Variants in BMPR2 observed in about 807,000 individuals in gnomAD.
The protein encoded by BMPR2 is bone morphogenetic protein receptor type-2.
A neutral mutation model predicts 100.8 loss-of-function variants in BMPR2; 29 were observed. The observed-to-expected ratio is 0.29, with a 90% CI of 0.21 to 0.39. The LOEUF (loss-of-function observed/expected upper bound fraction) is 0.39, where lower values mean the gene tolerates loss of function less well. BMPR2 is among the 10% of genes least tolerant of loss of function. The pLI is 1.00. For synonymous variants in BMPR2, 382 were observed against 442.3 expected (o/e 0.86, Z 1.71); for missense variants, 1,011 against 1,274.5 (o/e 0.79, Z 3.15).
chr2:202,482,129 G>A (rs748449673), intron 3 of BMPR2, among the ~76,000 whole-genome samples: 44 of 152,132 alleles, frequency 2.9e-4, no homozygotes, highest in African/African-American at 2.4e-5. Context: ...TGTCATGAAG[G>A]TTCATCCATC....
rs566256792 is a variant in BMPR2 at position 202,468,668 on chromosome 2, G to A, written c.418+979G>A. On this transcript the variant is annotated intron_variant, in intron 3 of 12. Transcript: ENST00000374580. ...ATTTGTAACTGCACAATATTAGGAAGTAAATGTCCAAGAATAGGAGATTAG... is the reference window on the plus strand; with the variant it reads ...ATTTGTAACTGCACAATATTAGGAAATAAATGTCCAAGAATAGGAGATTAG... 2.6e-5 allele frequency among the ~76,000 whole-genome samples: 4 copies of A among 152,294 alleles called. No homozygotes were observed. The South Asian group carries it at 8.3e-4, about 32-fold the overall frequency.
chr2:202,437,549 C>T lies in BMPR2; in HGVS notation c.77-27260C>T, dbSNP rs1438580082. On this transcript the variant is annotated intron_variant, in intron 1 of 12. Transcript: ENST00000374580. ...TATCCACAGAGTTGTGCAACTGTCA[C>T]CACTGTCAATTTTAGAACATTTTTC... 1.3e-5 allele frequency among the ~76,000 whole-genome samples: 2 copies of T among 150,430 alleles called. 1 individual carries two copies. Among genetic ancestry groups the T allele is most frequent in the African/African-American group, 5.0e-5 (2 of 39,770 alleles).
At chr2:202,448,471 A>T (rs76269599) in intron 1 of BMPR2, among the ~76,000 whole-genome samples, 5 of 110,160 alleles carry the variant, frequency 4.5e-5, no homozygotes, top group African/African-American at 6.3e-5. Flanking sequence ...AATAAAAAAT[A>T]AAAAAAAAAA....
chr2:202,485,514 C>CT (rs1303420441), intron 3 of BMPR2, among the ~76,000 whole-genome samples: 1 of 138,718 alleles, frequency 7.2e-6, no homozygotes, highest in Non-Finnish European at 1.5e-5. Context: ...GCCTTCATCT[C>CT]TATGTGTCTC....
chr2:202,540,008 G>C (rs1234697032), intron 9 of BMPR2, among the ~76,000 whole-genome samples: 1 of 152,106 alleles, frequency 6.6e-6, no homozygotes, highest in African/African-American at 2.4e-5. Flanking sequence ...ATTCACCTTT[G>C]TATCTCTAAT....
chr2:202,497,674 A>T (rs930394570), intron 3 of BMPR2, among the ~76,000 whole-genome samples: 1 of 152,200 alleles, frequency 6.6e-6, no homozygotes, highest in African/African-American at 2.4e-5. Flanking sequence ...AGACTTGCCC[A>T]TCTATCGTAT....
intron 1 of BMPR2, among the ~76,000 whole-genome samples, chr2:202,406,676 C>T (rs1352754278): frequency 6.6e-6 from 1 of 152,162 alleles, no homozygotes; most frequent in Non-Finnish European, 1.5e-5. Context: ...ATAAATAAAC[C>T]TCTGCCAGAG....
intron 1 of BMPR2, among the ~76,000 whole-genome samples, chr2:202,385,361 C>CTTTTTTTTTTTTTTTTT (rs1161944548): frequency 1.2e-4 from 10 of 86,338 alleles, no homozygotes; most frequent in African/African-American, 2.0e-4. Context: ...AAAAAAGATG[C>CTTTTTTTTTTTTTTTTT]TTTTTTTTTT....
At chr2:202,517,385 G>T (rs553265578) in intron 5 of BMPR2, among the ~76,000 whole-genome samples, 92 of 148,900 alleles carry the variant, frequency 6.2e-4, no homozygotes, top group Non-Finnish European at 1.2e-3. Context: ...GCAAGGCATG[G>T]TCTGGGGTCA....
Position 202,455,575 on chromosome 2 carries a change from G to T in BMPR2, c.77-9234G>T, listed in dbSNP as rs533842635. ...TTGAGTGAGATACAATGCTGTGATT[G>T]TGTCTTACTTGAAGTCTGCTTTCCT... On this transcript the variant is annotated intron_variant, in intron 1 of 12. Coordinates refer to ENST00000374580, the MANE Select transcript of BMPR2 (RefSeq NM_001204.7). Among the ~76,000 whole-genome samples the T allele has an allele frequency of 3.9e-5, 6 of 152,270 alleles. No individual in the cohort carries two copies. In the South Asian group the frequency reaches 1.2e-3, roughly 32 times the overall value.
intron 3 of BMPR2, among the ~76,000 whole-genome samples, chr2:202,475,779 T>A (rs1361494835): frequency 6.6e-6 from 1 of 152,068 alleles, no homozygotes; most frequent in Admixed American, 6.6e-5. Flanking sequence ...GTCTGTAAAA[T>A]CTAAGTCCCG....
At chr2:202,430,153 A>C (rs767949231) in intron 1 of BMPR2, among the ~76,000 whole-genome samples, 1 of 152,114 alleles carries the variant, frequency 6.6e-6, no homozygotes, top group Admixed American at 6.6e-5. Context: ...TAAGGCCATC[A>C]ATGCATTTGG....
chr2:202,481,917 C>T (rs899652316), intron 3 of BMPR2, among the ~76,000 whole-genome samples: 6 of 152,150 alleles, frequency 3.9e-5, no homozygotes, highest in East Asian at 3.9e-4. Flanking sequence ...TATTGTCGTA[C>T]GACCAATCTC....
At chr2:202,399,467 A>G (rs902767675) in intron 1 of BMPR2, among the ~76,000 whole-genome samples, 1 of 152,246 alleles carries the variant, frequency 6.6e-6, no homozygotes, top group Non-Finnish European at 1.5e-5. Context: ...GGGGTTAGAC[A>G]GGCAGGCAGG....
intron 1 of BMPR2, among the ~76,000 whole-genome samples, chr2:202,456,721 G>C (rs1692116202): frequency 6.6e-6 from 1 of 151,870 alleles, no homozygotes; most frequent in African/African-American, 2.4e-5. Flanking sequence ...CACCATATTG[G>C]TCAGGCTGGT....
chr2:202,414,263 A>C (rs1003012447), intron 1 of BMPR2, among the ~76,000 whole-genome samples: 4 of 152,210 alleles, frequency 2.6e-5, no homozygotes, highest in African/African-American at 7.2e-5. Context: ...GGGCACCAGG[A>C]ACCACACCCA....
At chr2:202,407,728 CTGGGCGA>C (rs1259735122) in intron 1 of BMPR2, among the ~76,000 whole-genome samples, 26 of 151,466 alleles carry the variant, frequency 1.7e-4, no homozygotes, top group African/African-American at 6.3e-4. Flanking sequence ...AAGATCCAGC[CTGGGCGA>C]CGGAGTTCCG....
chr2:202,530,669 CTCTTTTT>C, intron 7 of BMPR2, 118 bp from the exon 8 acceptor site: 2 of 844,788 alleles, frequency 2.4e-6, no homozygotes, highest in African/African-American at 1.7e-5. Flanking sequence ...ATTCCGATTT[CTCTTTTT>C]TTGTTATTAG....
chr2:202,479,373 A>G (rs1293627299), intron 3 of BMPR2, among the ~76,000 whole-genome samples: 1 of 152,224 alleles, frequency 6.6e-6, no homozygotes, highest in African/African-American at 2.4e-5. Flanking sequence ...CTACACCCTG[A>G]TTACAGTCTT....
Sources: allele counts gnomAD v4.1 joint callset (sites outside exome capture counted in the v4.1 genomes callset), GRCh38; gene constraint gnomAD v4.1.1; transcripts MANE v1.5; gene names NCBI Gene and HGNC (gene_info 2026-07-23, HGNC 2026-07-21).